Variants in RNASEL observed in about 807,000 individuals in gnomAD.
The protein encoded by RNASEL is 2-5A-dependent ribonuclease.
A neutral mutation model predicts 50.9 loss-of-function variants in RNASEL; 36 were observed. The ratio of observed to expected loss-of-function variants is 0.71; its 90% confidence interval spans 0.54 to 0.93. The LOEUF (loss-of-function observed/expected upper bound fraction) is 0.93. Among genes scored for constraint, RNASEL ranks in the 40% least tolerant of loss-of-function variants. The probability of loss-of-function intolerance (pLI) is 0.00; values close to 1 mark genes in which losing one functional copy is unlikely to be tolerated. For missense variants in RNASEL, 860 were observed against 894.5 expected (o/e 0.96, Z 0.49); for synonymous variants, 335 against 335.6 (o/e 1.00, Z 0.02).
At chr1:182,583,144 C>T (rs752184951) in intron 3 of RNASEL, among the ~76,000 whole-genome samples, 7 of 152,114 alleles carry the variant, frequency 4.6e-5, no homozygotes, top group Non-Finnish European at 8.8e-5. Context: ...AATAACTCCT[C>T]AATGAATATT....
At chr1:182,576,085 T>C (rs1268892613) in intron 6 of RNASEL, among the ~76,000 whole-genome samples, 171 bp downstream of exon 6, 1 of 152,248 alleles carries the variant, frequency 6.6e-6, no homozygotes, top group African/African-American at 2.4e-5. Context: ...GACATGTCCC[T>C]CATTAATTGT....
At position 182,575,361 on chromosome 1, in the gene RNASEL, G is replaced by C. The variant is rs773837286; in HGVS notation, c.*31C>G. On this transcript the variant is annotated 3_prime_UTR_variant, in exon 7 of 7. Transcript: ENST00000367559. Reference sequence around the variant, plus strand: ...TTGCCAAGGACTCTACAGCTAATAAGTAGTTCCCTGAACTCCAGCAAATCA... The same window carrying C: ...TTGCCAAGGACTCTACAGCTAATAACTAGTTCCCTGAACTCCAGCAAATCA... 3.7e-6 allele frequency: 6 copies of C among 1,607,342 alleles called. No homozygotes were observed. Among genetic ancestry groups the C allele is most frequent in the Non-Finnish European group, 4.3e-6 (5 of 1,174,618 alleles).
intron 3 of RNASEL, 123 bp from the exon 4 acceptor site, chr1:182,582,381 G>A: frequency 1.8e-6 from 2 of 1,139,710 alleles, no homozygotes; most frequent in Non-Finnish European, 1.3e-6. Flanking sequence ...TTGTAGGCTT[G>A]TTAGGGAGGG....
Position 182,586,139 on chromosome 1 carries a change from T to C in RNASEL, c.668A>G (p.His223Arg). ...SDDSDVEAIT[H>R]LLLDHGADVN... ...ATCAGCCCCATGGTCCAGCAGCAGA[T>C]GCGTAATAGCCTCCACATCACTATC... Residue 223 changes from histidine to arginine, a missense_variant, in exon 2 of 7, where the codon CAT becomes CGT. Coordinates refer to ENST00000367559, the MANE Select transcript of RNASEL (RefSeq NM_021133.4). 3.7e-6 allele frequency: 6 copies of C among 1,614,186 alleles called. No individual in the cohort carries two copies. Among genetic ancestry groups the C allele is most frequent in the South Asian group, 3.3e-5 (3 of 91,080 alleles).
In RNASEL at chr1:182,585,911, G is replaced by C. The variant is rs754488965; in HGVS notation, c.896C>G (p.Thr299Arg). The change falls in exon 2 of 7, where the codon ACA becomes AGA. Residue 299 changes from threonine (T) to arginine (R), a missense_variant. Thr to Arg is a moderately conservative substitution (Grantham distance 71). Coordinates refer to ENST00000367559, the MANE Select transcript of RNASEL (RefSeq NM_021133.4). ...TGTCATAACAAGATCCCCACAATCT[G>C]TACTGGCTCCACGTTTGCACAGCAA... ...AELLCKRGAS[T>R]DCGDLVMTAR... is the part of the protein sequence containing the mutation. The C allele has an allele frequency of 2.0e-5, 33 of 1,613,892 alleles. 1 individual carries two copies. The South Asian group carries it at 3.6e-4, about 18-fold the overall frequency.
At position 182,576,309 on chromosome 1, in the gene RNASEL, C is replaced by T. The variant is rs1661377493; in HGVS notation, c.1986G>A (p.Leu662=). 6.2e-7 allele frequency: 1 copy of T among 1,612,492 alleles called. No homozygotes were observed. The highest frequency in any genetic ancestry group is 8.5e-7 in the Non-Finnish European group (1 of 1,178,952). Residue 662 remains leucine (L), a synonymous_variant, in exon 6 of 7, where the codon CTG becomes CTA. Transcript: ENST00000367559. ...CTCCCAAATTCCGGATGAACTTTAG[C>T]AGATCACCCACAGTGTTCTGGTAGA... The part of the protein sequence containing the change: ...GNFYQNTVGD[L]LKFIRNLGEH...
intron 5 of RNASEL, among the ~76,000 whole-genome samples, chr1:182,580,900 C>T (rs1661480360): frequency 6.6e-6 from 1 of 152,124 alleles, no homozygotes; most frequent in African/African-American, 2.4e-5. Context: ...TAGTCAGCTG[C>T]TCGTGCCATA....
chr1:182,576,696 G>A (rs1284393086), intron 5 of RNASEL: 1 of 221,108 alleles, frequency 4.5e-6, no homozygotes, highest in Non-Finnish European at 9.0e-6. Context: ...GTGAAACCTC[G>A]TTTCTACTAA....
At chr1:182,585,040 C>G (rs1295187873) in intron 2 of RNASEL, among the ~76,000 whole-genome samples, 1 of 152,166 alleles carries the variant, frequency 6.6e-6, no homozygotes, top group East Asian at 1.9e-4. Flanking sequence ...ATTTCTGGAG[C>G]TACTTTGATC....
chr1:182,586,498 C>G lies in RNASEL; in HGVS notation c.309G>C (p.Gly103=), dbSNP rs767983709. 3 of 1,611,822 alleles carry G rather than the reference C, an allele frequency of 1.9e-6. No individual in the cohort carries two copies. The highest frequency in any genetic ancestry group is 1.7e-5 in the Admixed American group (1 of 59,864). Residue 103 remains glycine (G), a synonymous_variant, in exon 2 of 7, where the codon GGG becomes GGC. Transcript: ENST00000367559. ...GGAAAAGTTTCAGCAGCTTCACGCT[C>G]CCCGCAATCGCTGCGAGGATAAAAG... ...ATPFILAAIA[G]SVKLLKLFLS... is the part of the protein sequence containing the mutation.
chr1:182,575,624 C>T, intron 6 of RNASEL, 46 bp from the exon 7 acceptor site: 1 of 1,608,110 alleles, frequency 6.2e-7, no homozygotes, highest in Non-Finnish European at 8.5e-7. Flanking sequence ...CCAAATTATT[C>T]TTCCCCGCTT....
intron 5 of RNASEL, among the ~76,000 whole-genome samples, chr1:182,580,360 G>A (rs1422249092): frequency 6.6e-6 from 1 of 152,172 alleles, no homozygotes; most frequent in Non-Finnish European, 1.5e-5. Flanking sequence ...GACCAGTGAG[G>A]GAAGGAAAGC....
chr1:182,578,241 G>A (rs1661428082), intron 5 of RNASEL: 1 of 152,056 alleles, frequency 6.6e-6, no homozygotes, highest in Non-Finnish European at 1.5e-5. Context: ...ATCCAACAGA[G>A]GATTGATATC....
In RNASEL at chr1:182,576,266, T is replaced by C; in HGVS notation, c.2029A>G (p.Lys677Glu). 6.2e-7 allele frequency: 1 copy of C among 1,611,652 alleles called. No individual in the cohort carries two copies. Among genetic ancestry groups the C allele is most frequent in the Non-Finnish European group, 8.5e-7 (1 of 1,178,636 alleles). Reference protein sequence around the residue: ...RNLGEHIDEEKHKKMKLKIGD... With the variant: ...RNLGEHIDEEEHKKMKLKIGD... ...GAAAACAATACTTACTTTTTATGCT[T>C]TTCTTCATCAATGTGTTCTCCCAAA... The change falls in exon 6 of 7, where the codon AAG (lysine) becomes GAG (glutamate). Residue 677 changes from lysine to glutamate, a missense_variant. Lys to Glu is a moderately conservative substitution (Grantham distance 56, BLOSUM62 1). Coordinates refer to ENST00000367559, the MANE Select transcript of RNASEL (RefSeq NM_021133.4).
chr1:182,586,381 T>C lies in RNASEL; in HGVS notation c.426A>G (p.Lys142=), dbSNP rs1661597061. The C allele has an allele frequency of 6.2e-7, 1 of 1,614,194 alleles. No individual in the cohort carries two copies. Among genetic ancestry groups the C allele is most frequent in the Non-Finnish European group, 8.5e-7 (1 of 1,180,018 alleles). The change falls in exon 2 of 7, where the codon AAA becomes AAG. Residue 142 remains lysine, a synonymous_variant. Coordinates refer to ENST00000367559, the MANE Select transcript of RNASEL (RefSeq NM_021133.4). ...AAVYGKVKAL[K]FLYKRGANVN... ...CATTTGCTCCTCTCTTATAAAGGAA[T>C]TTTAGGGCTTTGACCTTACCATACA... is the stretch of plus-strand genomic sequence containing the variant.
At chr1:182,577,979 T>C (rs1255835922) in intron 5 of RNASEL, 1 of 152,020 alleles carries the variant, frequency 6.6e-6, no homozygotes, top group Non-Finnish European at 1.5e-5. Context: ...TATACAAAAA[T>C]CAACTCAAGA....
At chr1:182,576,880 A>G (rs1172219731) in intron 5 of RNASEL, 1 of 150,648 alleles carries the variant, frequency 6.6e-6, no homozygotes, top group Non-Finnish European at 1.5e-5. Flanking sequence ...TCAAAAAAAT[A>G]ATTTTTTTTT....
Position 182,575,436 on chromosome 1 carries a change from C to A in RNASEL, c.2182G>T (p.Asp728Tyr). ...QTHSPNKPQC[D>Y]GAGGASGLAS... ...AACCCACTGGCCCCACCAGCTCCAT[C>A]ACACTGAGGCTTGTTTGGACTGTGG... is the stretch of plus-strand genomic sequence containing the variant. Residue 728 changes from aspartate (D) to tyrosine (Y), a missense_variant, in exon 7 of 7, where the codon GAT (aspartate) becomes TAT (tyrosine). Asp to Tyr is a radical substitution (Grantham distance 160). Transcript: ENST00000367559. 6.2e-7 allele frequency: 1 copy of A among 1,614,206 alleles called. No individual in the cohort carries two copies. The highest frequency in any genetic ancestry group is 1.1e-5 in the South Asian group (1 of 91,092).
chr1:182,575,398 C>T lies in RNASEL; in HGVS notation c.2220G>A (p.Gly740=). ...ACTCCAGCAAATCAGTCCATCAGCA[C>T]CCAGGGCTGGCCAACCCACTGGCCC... ...AGGASGLASP[G]C The change falls in exon 7 of 7, where the codon GGG becomes GGA. Residue 740 remains glycine, a synonymous_variant. Transcript: ENST00000367559. 3 of 1,614,044 alleles carry T rather than the reference C, an allele frequency of 1.9e-6. No homozygotes were observed. The highest frequency in any genetic ancestry group is 2.2e-5 in the East Asian group (1 of 44,884).
Sources: gnomAD v4.1 joint callset for allele counts (sites outside exome capture counted in the v4.1 genomes callset) on GRCh38, gnomAD v4.1.1 for gene constraint, MANE v1.5 for transcripts, NCBI Gene and HGNC (gene_info 2026-07-23, HGNC 2026-07-21) for gene names.